VHL: variants seen among roughly 807,000 people sequenced by gnomAD.
VHL encodes the protein von Hippel-Lindau tumor suppressor, also known as von Hippel-Lindau disease tumor suppressor.
In VHL, 10 loss-of-function variants were observed where a neutral mutation model predicts 19.2. The observed-to-expected ratio is 0.52, with a 90% confidence interval of 0.32 to 0.89. The LOEUF is 0.89. VHL is among the 40% of genes least tolerant of loss of function. The pLI is 0.03. For missense variants in VHL, 328 were observed against 292.7 expected (o/e 1.12, Z -0.88); for synonymous variants, 167 against 129.5 (o/e 1.29, Z -1.97).
At chr3:10,149,121 CTTTTTTT>C (rs1228531364) in intron 2 of VHL, among the ~76,000 whole-genome samples, 1 of 134,500 alleles carries the variant, frequency 7.4e-6, no homozygotes, top group African/African-American at 2.8e-5. Flanking sequence ...TTTCTTTTTT[CTTTTTTT>C]TCAAGATAGG....
In VHL at chr3:10,150,412, G is replaced by A; in HGVS notation, c.*447G>A. 1 of 1,164,168 alleles carries A rather than the reference G, an allele frequency of 8.6e-7. No homozygotes were observed. Among genetic ancestry groups the A allele is most frequent in the South Asian group, 2.2e-5 (1 of 46,196 alleles). The allele number at this position is 1,164,168 out of a possible 1,614,324, so 72.1% of individuals were successfully genotyped here. ...TTTGGGAAGACTGAGGCATCCGTGA[G>A]GCAGGGACAAGTCTTTCTCCTCTTT... On this transcript the variant is annotated 3_prime_UTR_variant, in exon 3 of 3. Transcript: ENST00000256474.
chr3:10,144,545 G>C (rs1696207604), intron 1 of VHL, among the ~76,000 whole-genome samples: 1 of 138,518 alleles, frequency 7.2e-6, no homozygotes, highest in African/African-American at 2.8e-5. Context: ...TGCCTGGGCT[G>C]GAGTGTGGAG....
chr3:10,153,160 C>A lies in VHL; in HGVS notation c.*3195C>A. Among the ~76,000 whole-genome samples the A allele has an allele frequency of 6.6e-6, 1 of 152,014 alleles. No individual in the cohort carries two copies. The highest frequency in any genetic ancestry group is 1.9e-4 in the East Asian group (1 of 5,178). On this transcript the variant is annotated 3_prime_UTR_variant, in exon 3 of 3. Coordinates refer to ENST00000256474, the MANE Select transcript of VHL (RefSeq NM_000551.4). ...GGGCGTGGTGGTGAGCGCCTGTAGT[C>A]CCAGCTACTCGAGAGCCTGAGGCAG...
Position 10,141,834 on chromosome 3 carries a change from G to A in VHL, c.-14G>A, listed in dbSNP as rs1271735513. On this transcript the variant is annotated 5_prime_UTR_variant, in exon 1 of 3. Coordinates refer to ENST00000256474, the MANE Select transcript of VHL (RefSeq NM_000551.4). ...CCGCGGCGTCCGGCCCGGGTGGTCTGGATCGCGGAGGGAATGCCCCGGAGG... is the reference window on the plus strand; with the variant it reads ...CCGCGGCGTCCGGCCCGGGTGGTCTAGATCGCGGAGGGAATGCCCCGGAGG... 4 of 1,536,408 alleles carry A rather than the reference G, an allele frequency of 2.6e-6. No individual in the cohort carries two copies. Among genetic ancestry groups the A allele is most frequent in the African/African-American group, 1.4e-5 (1 of 72,304 alleles).
rs747782558 is a variant in VHL, at chr3:10,151,416, TA to T, written c.*1458del. ...TTCTACTCCTTCCCTAATAGCTTTT[TA>T]AAAAAATCTCCCCAGTAGAGAAACA... On this transcript the variant is annotated 3_prime_UTR_variant, in exon 3 of 3. Transcript: ENST00000256474. 2 of 221,904 alleles carry T rather than the reference TA, an allele frequency of 9.0e-6. No homozygotes were observed. The highest frequency in any genetic ancestry group is 1.8e-4 in the South Asian group (1 of 5,430). 13.7% of individuals were successfully genotyped at this position (221,904 alleles called of 1,614,324 possible).
chr3:10,151,644 C>T lies in VHL; in HGVS notation c.*1679C>T, dbSNP rs1404871717. ...TTAACTTTATAACTTAAATATTGCT[C>T]TATGTTAGTATAAGCTTTTCACAAA... On this transcript the variant is annotated 3_prime_UTR_variant, in exon 3 of 3. Transcript: ENST00000256474. The T allele has an allele frequency of 2.3e-5, 5 of 217,978 alleles. No individual in the cohort carries two copies. The highest frequency in any genetic ancestry group is 1.1e-4 in the African/African-American group (5 of 44,628). 13.5% of individuals were successfully genotyped at this position (217,978 alleles called of 1,614,324 possible).
chr3:10,147,907 C>T (rs1268127020), intron 2 of VHL, among the ~76,000 whole-genome samples: 1 of 151,846 alleles, frequency 6.6e-6, no homozygotes, highest in Non-Finnish European at 1.5e-5. Context: ...GCCTGGACAA[C>T]AAAGTGAGAC....
chr3:10,143,477 C>T (rs1575924129), intron 1 of VHL, among the ~76,000 whole-genome samples: 1 of 152,046 alleles, frequency 6.6e-6, no homozygotes, highest in African/African-American at 2.4e-5. Flanking sequence ...GAGTTGGAGT[C>T]TGGATCTGTC....
rs199959170 is a variant in VHL at position 10,141,990 on chromosome 3, T to G, written c.143T>G (p.Leu48Arg). The G allele has an allele frequency of 6.4e-7, 1 of 1,573,438 alleles. No homozygotes were observed. Among genetic ancestry groups the G allele is most frequent in the South Asian group, 1.2e-5 (1 of 86,346 alleles). Residue 48 changes from leucine (L) to arginine (R), a missense_variant, in exon 1 of 3, where the codon CTG becomes CGG. Transcript: ENST00000256474. ...SGPEESGPEE[L>R]GAEEEMEAGR... Reference sequence around the variant, plus strand: ...CCGGAAGAGTCCGGCCCGGAGGAACTGGGCGCCGAGGAGGAGATGGAGGCC... The same window carrying G: ...CCGGAAGAGTCCGGCCCGGAGGAACGGGGCGCCGAGGAGGAGATGGAGGCC...
chr3:10,146,978 A>G (rs1003790426), intron 2 of VHL, among the ~76,000 whole-genome samples: 6 of 152,026 alleles, frequency 3.9e-5, no homozygotes, highest in Non-Finnish European at 5.9e-5. Flanking sequence ...TGTGTAGAGC[A>G]TGAGATATTT....
rs562434684 is a variant in VHL, at chr3:10,153,512, G to A, written c.*3547G>A. ...GTTGTCCAAGGAAAATTAAAAACCT[G>A]TAGCATGAATAATGTTTGTTTTTCA... On this transcript the variant is annotated 3_prime_UTR_variant, in exon 3 of 3. Coordinates refer to ENST00000256474, the MANE Select transcript of VHL (RefSeq NM_000551.4). 3.9e-5 allele frequency among the ~76,000 whole-genome samples: 6 copies of A among 152,020 alleles called. No homozygotes were observed. The South Asian group carries it at 1.0e-3, about 26-fold the overall frequency.
rs1436652705 is a variant in VHL, at chr3:10,152,638, G to A, written c.*2673G>A. 6.6e-6 allele frequency among the ~76,000 whole-genome samples: 1 copy of A among 150,808 alleles called. No individual in the cohort carries two copies. Among genetic ancestry groups the A allele is most frequent in the East Asian group, 2.1e-4 (1 of 4,852 alleles). On this transcript the variant is annotated 3_prime_UTR_variant, in exon 3 of 3. Transcript: ENST00000256474. ...CTCCTGAGTAGCTGGGATTACAGGC[G>A]CCTGCCACCATGCCTGGCTAATTTT... is the stretch of plus-strand genomic sequence containing the variant.
chr3:10,142,507 G>A (rs1696151677), intron 1 of VHL: 1 of 372,426 alleles, frequency 2.7e-6, no homozygotes, highest in South Asian at 3.1e-5. Context: ...CACCGCGCCC[G>A]GCTGATTTTT....
Position 10,146,480 on chromosome 3 carries a change from G to A in VHL, c.341-34G>A, listed in dbSNP as rs777033554. The A allele has an allele frequency of 1.9e-6, 3 of 1,611,746 alleles. No homozygotes were observed. In the South Asian group the frequency reaches 3.3e-5, roughly 18 times the overall value. Reference sequence around the variant, plus strand: ...TGGGCCACCGTGCCCAGCCACCGGTGTGGCTCTTTAACAACCTTTGCTTGT... The same window carrying A: ...TGGGCCACCGTGCCCAGCCACCGGTATGGCTCTTTAACAACCTTTGCTTGT... On this transcript the variant is annotated intron_variant, in intron 1 of 2. Coordinates refer to ENST00000256474, the MANE Select transcript of VHL (RefSeq NM_000551.4).
intron 1 of VHL, 69 bp from the exon 2 acceptor site, chr3:10,146,445 A>G (rs2125128080): frequency 6.2e-7 from 1 of 1,603,716 alleles, no homozygotes; most frequent in Non-Finnish European, 8.5e-7. Flanking sequence ...AAGTGCTGGG[A>G]TTACAGGTGT....
At chr3:10,143,011 G>C (rs1349420435) in intron 1 of VHL, 2 of 152,256 alleles carry the variant, frequency 1.3e-5, no homozygotes, top group African/African-American at 4.8e-5. Context: ...GTAGGAACTA[G>C]CCAACCCTAG....
At chr3:10,148,606 G>A (rs558870550) in intron 2 of VHL, among the ~76,000 whole-genome samples, 2 of 151,408 alleles carry the variant, frequency 1.3e-5, no homozygotes, top group South Asian at 2.1e-4. Context: ...GAGCCACCGC[G>A]CCCGGCCTAG....
intron 1 of VHL, chr3:10,142,525 T>C (rs982778192): frequency 9.4e-6 from 3 of 320,014 alleles, no homozygotes; most frequent in South Asian, 3.2e-5. Flanking sequence ...TTTATATTTT[T>C]AGTAGAGACG....
chr3:10,151,495 A>G lies in VHL; in HGVS notation c.*1530A>G, dbSNP rs1696409758. 2 of 226,136 alleles carry G rather than the reference A, an allele frequency of 8.8e-6. No individual in the cohort carries two copies. Among genetic ancestry groups the G allele is most frequent in the Non-Finnish European group, 8.8e-6 (1 of 113,664 alleles). 14.0% of individuals were successfully genotyped at this position (226,136 alleles called of 1,614,324 possible). A position where few individuals can be genotyped will look rare whatever the true frequency, so the allele number is the denominator to read the frequency against. On this transcript the variant is annotated 3_prime_UTR_variant, in exon 3 of 3. Coordinates refer to ENST00000256474, the MANE Select transcript of VHL (RefSeq NM_000551.4). Reference sequence around the variant, plus strand: ...AAGAAAAAAGATCCCTATTAGATACACTTCTTAAATACAATCACATTAACA... The same window carrying G: ...AAGAAAAAAGATCCCTATTAGATACGCTTCTTAAATACAATCACATTAACA...
Sources: allele counts gnomAD v4.1 joint callset (sites outside exome capture counted in the v4.1 genomes callset), GRCh38; gene constraint gnomAD v4.1.1; transcripts MANE v1.5; gene names NCBI Gene and HGNC (gene_info 2026-07-23, HGNC 2026-07-21).